Variants in CLEC16A observed in about 807,000 individuals in gnomAD.
CLEC16A encodes the protein C-type lectin domain containing 16A.
CLEC16A carries 51 observed loss-of-function variants against 109.5 expected under a neutral mutation model. The ratio of observed to expected loss-of-function variants is 0.47; its 90% confidence interval spans 0.37 to 0.59. The LOEUF is 0.59. Among genes scored for constraint, CLEC16A ranks in the 20% least tolerant of loss-of-function variants. The pLI is 0.00. For synonymous variants in CLEC16A, 673 were observed against 564.2 expected, an observed-to-expected ratio of 1.19 and a Z score of -2.73; for missense variants, 1,339 against 1,394.0, an observed-to-expected ratio of 0.96 and a Z score of 0.63.
intron 22 of CLEC16A, among the ~76,000 whole-genome samples, chr16:11,145,484 A>G (rs1298629134): frequency 2.0e-5 from 3 of 152,252 alleles, no homozygotes; most frequent in Non-Finnish European, 4.4e-5. Flanking sequence ...AGTCATGACA[A>G]GGACCTCTCA....
rs752163684 is a variant in CLEC16A at position 10,972,548 on chromosome 16, T to C, written c.599-6T>C. The C allele has an allele frequency of 6.2e-7, 1 of 1,612,682 alleles. No individual in the cohort carries two copies. Among genetic ancestry groups the C allele is most frequent in the Non-Finnish European group, 8.5e-7 (1 of 1,178,862 alleles). ...TCAATGACGATTCCTGTGTTCCTTA[T>C]TCCAGTGTCATGTAAGTTATTAACC... On this transcript the variant is annotated splice_polypyrimidine_tract_variant and splice_region_variant and intron_variant, in intron 5 of 23. Transcript: ENST00000409790.
At chr16:11,105,596 G>T (rs2152991720) in intron 19 of CLEC16A, among the ~76,000 whole-genome samples, 1 of 152,314 alleles carries the variant, frequency 6.6e-6, no homozygotes, top group South Asian at 2.1e-4. Flanking sequence ...TTCATACTGA[G>T]AGAAAGGAAG....
At chr16:11,060,848 A>G (rs1707840277) in intron 18 of CLEC16A, 54 bp from the exon 19 acceptor site, 1 of 1,484,236 alleles carries the variant, frequency 6.7e-7, no homozygotes, top group Non-Finnish European at 9.0e-7. Context: ...GGGGCATCTC[A>G]CTGAAATGAC....
chr16:11,092,393 CA>C (rs2050361007), intron 19 of CLEC16A, among the ~76,000 whole-genome samples: 1 of 149,240 alleles, frequency 6.7e-6, no homozygotes, highest in Non-Finnish European at 1.5e-5. Context: ...CACACACACA[CA>C]CACACACATG....
Position 11,180,308 on chromosome 16 carries a change from A to G in CLEC16A, c.*1618A>G, listed in dbSNP as rs1273900628. Reference sequence around the variant, plus strand: ...CATGGGGACAGGCCTCAGTCCTTAGAAGCCCTCTGGGTAGCTGTGCCCACC... The same window carrying G: ...CATGGGGACAGGCCTCAGTCCTTAGGAGCCCTCTGGGTAGCTGTGCCCACC... On this transcript the variant is annotated 3_prime_UTR_variant, in exon 24 of 24. Coordinates refer to ENST00000409790, the MANE Select transcript of CLEC16A (RefSeq NM_015226.3). The G allele has an allele frequency of 6.6e-6, 1 of 152,348 alleles. No homozygotes were observed. The highest frequency in any genetic ancestry group is 2.4e-5 in the African/African-American group (1 of 41,450). 9.4% of individuals were successfully genotyped at this position (152,348 alleles called of 1,614,324 possible).
intron 22 of CLEC16A, among the ~76,000 whole-genome samples, chr16:11,138,850 TG>T (rs1466203326): frequency 1.3e-5 from 2 of 152,088 alleles, no homozygotes; most frequent in Non-Finnish European, 2.9e-5. Context: ...GATGTTTAGG[TG>T]GTGGCCAATT....
intron 1 of CLEC16A, among the ~76,000 whole-genome samples, chr16:10,951,844 G>A (rs2041750076): frequency 6.6e-6 from 1 of 152,230 alleles, no homozygotes; most frequent in African/African-American, 2.4e-5. Flanking sequence ...GATGGTCATA[G>A]CAACATTGTT....
chr16:11,152,880 C>T (rs1320450583), intron 22 of CLEC16A, among the ~76,000 whole-genome samples: 7 of 152,060 alleles, frequency 4.6e-5, no homozygotes, highest in Admixed American at 3.9e-4. Context: ...CGTTCGGGCG[C>T]CAGGGGTCAT....
At chr16:11,083,601 C>G (rs777708828) in intron 19 of CLEC16A, among the ~76,000 whole-genome samples, 1 of 152,240 alleles carries the variant, frequency 6.6e-6, no homozygotes, top group Non-Finnish European at 1.5e-5. Context: ...TCCTCTCACT[C>G]CATCCTAGCA....
At chr16:11,164,015 C>G (rs1004303558) in intron 22 of CLEC16A, among the ~76,000 whole-genome samples, 5 of 152,166 alleles carry the variant, frequency 3.3e-5, no homozygotes, top group African/African-American at 1.2e-4. Context: ...TGAGTGTCCC[C>G]AAGGAATCTT....
Position 11,095,534 on chromosome 16 carries a change from G to A in CLEC16A, c.2117-25081G>A, listed in dbSNP as rs118091535. ...GTTGAGTAAGACAGGAGCTACAGCC[G>A]GGCACGATGGCTCACGCCTGTAATC... On this transcript the variant is annotated intron_variant, in intron 19 of 23. Transcript: ENST00000409790. Among the ~76,000 whole-genome samples, 734 of 152,288 alleles carry A rather than the reference G, an allele frequency of 4.8e-3. 2 individuals are homozygous for A. The highest frequency in any genetic ancestry group is 7.8e-3 in the Admixed American group (120 of 15,300).
chr16:11,018,487 C>T (rs1048095533), intron 11 of CLEC16A, among the ~76,000 whole-genome samples: 3 of 151,754 alleles, frequency 2.0e-5, no homozygotes, highest in South Asian at 2.1e-4. Context: ...CGGTAGCTCA[C>T]GCCTGTAATC....
At chr16:11,146,845 C>T (rs990136895) in intron 22 of CLEC16A, among the ~76,000 whole-genome samples, 5 of 152,096 alleles carry the variant, frequency 3.3e-5, no homozygotes, top group Admixed American at 6.6e-5. Context: ...ACATTGTTCA[C>T]TGGGGACTCA....
intron 19 of CLEC16A, among the ~76,000 whole-genome samples, chr16:11,074,198 A>G (rs560837038): frequency 3.3e-5 from 5 of 152,106 alleles, no homozygotes; most frequent in African/African-American, 1.2e-4. Context: ...TGAGGCAGGC[A>G]CCCTGAACTT....
intron 18 of CLEC16A, among the ~76,000 whole-genome samples, chr16:11,058,228 C>T (rs1182790565): frequency 6.6e-6 from 1 of 152,170 alleles, no homozygotes; most frequent in East Asian, 1.9e-4. Context: ...GGAGTTGGGG[C>T]AGGAACCAGG....
chr16:11,078,434 C>A (rs924440183), intron 19 of CLEC16A, among the ~76,000 whole-genome samples: 2 of 152,180 alleles, frequency 1.3e-5, no homozygotes, highest in Non-Finnish European at 2.9e-5. Context: ...AATTCTAGTT[C>A]CCTCTAGGAA....
chr16:11,022,288 C>G (rs1039869646), intron 12 of CLEC16A, among the ~76,000 whole-genome samples: 6 of 151,814 alleles, frequency 4.0e-5, no homozygotes, highest in Admixed American at 6.6e-5. Context: ...CTCTGTCCCC[C>G]CAACTTGAGC....
intron 19 of CLEC16A, among the ~76,000 whole-genome samples, chr16:11,094,472 T>A (rs2050489937): frequency 6.6e-6 from 1 of 152,242 alleles, no homozygotes; most frequent in African/African-American, 2.4e-5. Context: ...TGGCTCCAGC[T>A]GCTCAGAGGA....
intron 6 of CLEC16A, 24 bp from the exon 7 acceptor site, chr16:10,972,914 T>C (rs2042862396): frequency 6.4e-7 from 1 of 1,569,778 alleles, no homozygotes; most frequent in African/African-American, 1.4e-5. Flanking sequence ...CTTGACTTTT[T>C]TTTTCTTCTG....
Sources: gnomAD v4.1 joint callset for allele counts (sites outside exome capture counted in the v4.1 genomes callset) on GRCh38, gnomAD v4.1.1 for gene constraint, MANE v1.5 for transcripts, NCBI Gene and HGNC (gene_info 2026-07-23, HGNC 2026-07-21) for gene names.